The following CCSER1 variants were observed in gnomAD, a reference collection of about 807,000 sequenced individuals.
The protein encoded by CCSER1 is coiled-coil serine rich protein 1.
A neutral mutation model predicts 82.0 loss-of-function variants in CCSER1; 41 were observed. The observed-to-expected ratio is 0.50, with a 90% CI of 0.39 to 0.65. CCSER1 has a LOEUF of 0.65. Ranked by LOEUF, CCSER1 falls within the 30% of genes least tolerant of loss-of-function variation. The pLI, the probability that CCSER1 is intolerant of heterozygous loss-of-function variation, is 0.00. For synonymous variants in CCSER1, 414 were observed against 383.9 expected (o/e 1.08, Z -0.92); for missense variants, 1,119 against 1,064.2 (o/e 1.05, Z -0.72).
At chr4:90,707,379 T>C (rs1471084229) in intron 6 of CCSER1, among the ~76,000 whole-genome samples, 1 of 152,064 alleles carries the variant, frequency 6.6e-6, no homozygotes. Context: ...ACACTTCAAA[T>C]GTGTACATGT....
Position 91,525,693 on chromosome 4 carries a change from T to C in CCSER1, c.2218-72879T>C, listed in dbSNP as rs111462843. 1.9e-3 allele frequency among the ~76,000 whole-genome samples: 289 copies of C among 152,228 alleles called. 1 individual carries two copies. Among genetic ancestry groups the C allele is most frequent in the African/African-American group, 6.8e-3 (281 of 41,546 alleles). Reference sequence around the variant, plus strand: ...GACCTTCACATCATATTTGTCTCCATCTGTCTCAGAACTCTTTTCTCTTAC... The same window carrying C: ...GACCTTCACATCATATTTGTCTCCACCTGTCTCAGAACTCTTTTCTCTTAC... On this transcript the variant is annotated intron_variant, in intron 10 of 10. Transcript: ENST00000509176.
intron 10 of CCSER1, among the ~76,000 whole-genome samples, chr4:91,362,519 A>G (rs1749318677): frequency 6.6e-6 from 1 of 151,842 alleles, no homozygotes; most frequent in Non-Finnish European, 1.5e-5. Context: ...AAAGTCCAAA[A>G]TATTTTGCTT....
chr4:91,310,752 G>A (rs1230961300), intron 10 of CCSER1, among the ~76,000 whole-genome samples: 2 of 151,906 alleles, frequency 1.3e-5, no homozygotes, highest in East Asian at 3.9e-4. Flanking sequence ...TGAAATAAAA[G>A]TCTAATCTGA....
chr4:90,899,714 G>T (rs1388619676), intron 8 of CCSER1, among the ~76,000 whole-genome samples: 3 of 151,872 alleles, frequency 2.0e-5, no homozygotes, highest in Non-Finnish European at 4.4e-5. Context: ...TAATGATAGG[G>T]TTTTTTAAAA....
At chr4:90,405,279 G>A (rs1753550230) in intron 4 of CCSER1, among the ~76,000 whole-genome samples, 1 of 151,808 alleles carries the variant, frequency 6.6e-6, no homozygotes, top group African/African-American at 2.4e-5. Flanking sequence ...TCAAAGACAA[G>A]GCTTTCAAAT....
intron 10 of CCSER1, among the ~76,000 whole-genome samples, chr4:91,272,325 T>C (rs1163392755): frequency 6.6e-6 from 1 of 152,230 alleles, no homozygotes; most frequent in Non-Finnish European, 1.5e-5. Context: ...CCCATTGTGA[T>C]TCTGATGTTC....
Position 91,473,329 on chromosome 4 carries a change from C to T in CCSER1, c.2218-125243C>T, listed in dbSNP as rs112174353. ...AACCTGGTGATGCCATGAAGCAGCT[C>T]TTTGCACAGTTGACATCATTTCTCA... On this transcript the variant is annotated intron_variant, in intron 10 of 10. Transcript: ENST00000509176. 9.8e-3 allele frequency among the ~76,000 whole-genome samples: 1,488 copies of T among 152,286 alleles called. 10 individuals are homozygous for T. Among genetic ancestry groups the T allele is most frequent in the Middle Eastern group, 0.02 (6 of 294 alleles).
intron 5 of CCSER1, among the ~76,000 whole-genome samples, chr4:90,618,450 A>G (rs1721710696): frequency 6.6e-6 from 1 of 151,988 alleles, no homozygotes; most frequent in Admixed American, 6.6e-5. Flanking sequence ...TTTTTCATAA[A>G]TCATATCTAA....
chr4:90,702,800 T>A (rs1345686211), intron 6 of CCSER1, among the ~76,000 whole-genome samples: 2 of 152,216 alleles, frequency 1.3e-5, no homozygotes, highest in Non-Finnish European at 2.9e-5. Context: ...TTTGTATTTC[T>A]GTGGGATCAT....
intron 10 of CCSER1, among the ~76,000 whole-genome samples, chr4:91,297,385 A>ATGTGTGTGTGTGTGTGTGTGTGTGTGTG (rs57164334): frequency 8.5e-6 from 1 of 117,988 alleles, no homozygotes; most frequent in African/African-American, 3.0e-5. Flanking sequence ...GTGTGTGTGT[A>ATGTGTGTGTGTGTGTGTGTGTGTGTGTG]TGTGTGTGTG....
intron 6 of CCSER1, among the ~76,000 whole-genome samples, chr4:90,634,808 CA>C (rs2148950683): frequency 6.6e-6 from 1 of 151,940 alleles, no homozygotes; most frequent in African/African-American, 2.4e-5. Context: ...AACAAAATTA[CA>C]AGTTTTTGCT....
chr4:91,200,867 TAATA>T (rs1437954223), intron 10 of CCSER1, among the ~76,000 whole-genome samples: 1 of 152,110 alleles, frequency 6.6e-6, no homozygotes, highest in African/African-American at 2.4e-5. Flanking sequence ...TTTAATTGTG[TAATA>T]AATGATGCAT....
intron 1 of CCSER1, among the ~76,000 whole-genome samples, chr4:90,239,569 A>G (rs1227958572): frequency 6.6e-6 from 1 of 152,202 alleles, no homozygotes; most frequent in Non-Finnish European, 1.5e-5. Context: ...TGGTACAATT[A>G]TGGTTCACTG....
intron 7 of CCSER1, among the ~76,000 whole-genome samples, chr4:90,749,421 T>A (rs1748167693): frequency 6.6e-6 from 1 of 151,896 alleles, no homozygotes; most frequent in African/African-American, 2.4e-5. Context: ...ACCAGTACCA[T>A]GCTGTTTTGG....
intron 10 of CCSER1, among the ~76,000 whole-genome samples, chr4:91,350,138 T>C (rs1293796960): frequency 4.1e-5 from 5 of 121,254 alleles, no homozygotes; most frequent in Admixed American, 3.3e-4. Context: ...AAATTAACAG[T>C]ATTATTTTTG....
At chr4:90,709,433 C>T (rs930153026) in intron 6 of CCSER1, among the ~76,000 whole-genome samples, 27 of 151,924 alleles carry the variant, frequency 1.8e-4, no homozygotes, top group Non-Finnish European at 2.9e-4. Flanking sequence ...ACTCTCTTCC[C>T]GCTCAAACCC....
chr4:91,481,693 A>T (rs1253423399), intron 10 of CCSER1, among the ~76,000 whole-genome samples: 1 of 152,236 alleles, frequency 6.6e-6, no homozygotes, highest in East Asian at 1.9e-4. Context: ...TGCTACAATC[A>T]GCCACATACA....
At chr4:91,379,909 C>G (rs1024766171) in intron 10 of CCSER1, among the ~76,000 whole-genome samples, 3 of 152,208 alleles carry the variant, frequency 2.0e-5, no homozygotes, top group African/African-American at 4.8e-5. Flanking sequence ...CCTCTACACA[C>G]TGCTTTAAAT....
intron 7 of CCSER1, among the ~76,000 whole-genome samples, chr4:90,761,206 T>G (rs940379758): frequency 6.6e-6 from 1 of 152,094 alleles, no homozygotes; most frequent in Non-Finnish European, 1.5e-5. Flanking sequence ...CTCACACTTG[T>G]ATGGTACTTT....
Sources: allele counts gnomAD v4.1 joint callset (sites outside exome capture counted in the v4.1 genomes callset), GRCh38; gene constraint gnomAD v4.1.1; transcripts MANE v1.5; gene names NCBI Gene and HGNC (gene_info 2026-07-23, HGNC 2026-07-21).